The following PC variants were observed in gnomAD, a reference collection of about 807,000 sequenced individuals.
PC encodes pyruvate carboxylase, mitochondrial.
In PC, 46 loss-of-function variants were observed where a neutral mutation model predicts 107.8. That is an observed-to-expected ratio of 0.43 (90% confidence interval 0.34 to 0.55). The LOEUF is 0.55. Among genes scored for constraint, PC ranks in the 20% least tolerant of loss-of-function variants. The pLI is 0.04. For synonymous variants in PC, 662 were observed against 684.7 expected (o/e 0.97, Z 0.52); for missense variants, 1,241 against 1,643.1 (o/e 0.76, Z 4.23).
chr11:66,885,304 C>T (rs892659231), intron 3 of PC, among the ~76,000 whole-genome samples: 3 of 152,082 alleles, frequency 2.0e-5, no homozygotes, highest in Non-Finnish European at 4.4e-5. Context: ...GCCTGGCCAA[C>T]AAGGCGAAAC....
chr11:66,856,909 CGCCGGCCCGG>C (rs1565222222), intron 12 of PC: 3 of 147,318 alleles, frequency 2.0e-5, no homozygotes, highest in South Asian at 2.1e-4. Context: ...GGAGGGCCCG[CGCCGGCCCGG>C]GCCTCGGGCG....
intron 3 of PC, among the ~76,000 whole-genome samples, chr11:66,946,653 TGACGTGCATGCCATG>T (rs1186920054): frequency 6.6e-6 from 1 of 152,000 alleles, no homozygotes; most frequent in Non-Finnish European, 1.5e-5. Context: ...CAGCCAGGCA[TGACGTGCATGCCATG>T]GTCCCAGCTA....
chr11:66,913,135 G>A (rs1282791351), intron 3 of PC, among the ~76,000 whole-genome samples: 1 of 152,126 alleles, frequency 6.6e-6, no homozygotes, highest in South Asian at 2.1e-4. Flanking sequence ...CGCTTGGCCT[G>A]TGGCGCCAAA....
rs1946727506 is a variant in PC, at chr11:66,871,432, G to A, written c.370C>T (p.Arg124Ter). 7 of 1,613,522 alleles carry A rather than the reference G, an allele frequency of 4.3e-6. No individual in the cohort carries two copies. The highest frequency in any genetic ancestry group is 1.1e-5 in the South Asian group (1 of 91,084). ...VHPGYGFLSE[R>*]ADFAQACQDA... ...TGGCAGGCCTGGGCGAAGTCCGCTC[G>A]CTCAGAGAGGAACCCGTAGCCAGGG... Residue 124 changes from arginine (R) to a stop codon, truncating the protein, a stop_gained, in exon 6 of 23, where the codon CGA (arginine) becomes TGA (stop). Transcript: ENST00000393960. LOFTEE classifies it high-confidence loss of function. The surrounding 1 kb of genome is among the most constrained non-coding windows in gnomAD (Gnocchi z 7.4).
chr11:66,953,800 G>T (rs774374046), intron 2 of PC, among the ~76,000 whole-genome samples: 1 of 152,202 alleles, frequency 6.6e-6, no homozygotes, highest in Non-Finnish European at 1.5e-5. Flanking sequence ...AGGGACTCCA[G>T]CAGTGAGCCA....
At chr11:66,869,149 G>A (rs552784251) in intron 9 of PC, among the ~76,000 whole-genome samples, 185 bp from the exon 10 acceptor site, 3 of 152,226 alleles carry the variant, frequency 2.0e-5, no homozygotes, top group Admixed American at 6.5e-5. Context: ...GCCTGGACAC[G>A]TCCCCCAAGT....
intron 3 of PC, among the ~76,000 whole-genome samples, chr11:66,877,800 GC>G (rs1208439573): frequency 1.3e-5 from 2 of 152,166 alleles, no homozygotes; most frequent in Non-Finnish European, 2.9e-5. Flanking sequence ...GTAATGTGAA[GC>G]CAAGAAAATT....
chr11:66,865,567 C>G (rs978206081), intron 11 of PC, among the ~76,000 whole-genome samples: 1 of 152,202 alleles, frequency 6.6e-6, no homozygotes. Flanking sequence ...GGGAGCCCTC[C>G]TGGAGAAGGC....
At position 66,860,533 on chromosome 11, in the gene PC, GC is replaced by G. The variant is rs973678879; in HGVS notation, c.1368+3240del. On this transcript the variant is annotated intron_variant, in intron 12 of 22. Transcript: ENST00000393960. ...CCCGAGACGGGAGGACAGGACACGG[GC>G]CGCTGGTGGCACACGGACAAGGGTG... 8.5e-6 allele frequency: 6 copies of G among 701,964 alleles called. No homozygotes were observed. In the African/African-American group the frequency reaches 8.7e-5, roughly 10 times the overall value. The allele number at this position is 701,964 out of a possible 1,614,324, so 43.5% of individuals were successfully genotyped here.
At chr11:66,919,226 G>A (rs990519840) in intron 3 of PC, among the ~76,000 whole-genome samples, 3 of 152,218 alleles carry the variant, frequency 2.0e-5, no homozygotes, top group Non-Finnish European at 4.4e-5. Flanking sequence ...GACCAGCCTG[G>A]CCAACAGGAT....
intron 11 of PC, among the ~76,000 whole-genome samples, chr11:66,864,965 A>C (rs1258347258): frequency 6.6e-6 from 1 of 152,014 alleles, no homozygotes; most frequent in African/African-American, 2.4e-5. Flanking sequence ...GAACTTCATA[A>C]AATATTTAAG....
intron 3 of PC, among the ~76,000 whole-genome samples, chr11:66,943,113 C>T (rs775544941): frequency 6.6e-6 from 1 of 151,988 alleles, no homozygotes; most frequent in Non-Finnish European, 1.5e-5. Context: ...ACTCCCAATG[C>T]AATCGTATTA....
intron 3 of PC, among the ~76,000 whole-genome samples, chr11:66,887,746 A>G (rs1228930689): frequency 6.6e-6 from 1 of 152,244 alleles, no homozygotes; most frequent in Non-Finnish European, 1.5e-5. Context: ...AAGGTCTTGG[A>G]GCGCCTGGAG....
rs766816817 is a variant in PC, at chr11:66,866,361, TG to T, written c.1023-13del. 4 of 1,192,422 alleles carry T rather than the reference TG, an allele frequency of 3.4e-6. No homozygotes were observed. Among genetic ancestry groups the T allele is most frequent in the Non-Finnish European group, 3.2e-6 (3 of 935,598 alleles). 73.9% of individuals were successfully genotyped at this position (1,192,422 alleles called of 1,614,324 possible). On this transcript the variant is annotated splice_polypyrimidine_tract_variant and intron_variant, in intron 10 of 22. Transcript: ENST00000393960. This position sits in a 1 kb window ranked among gnomAD's most constrained non-coding sequence, Gnocchi z 5.4. ...GGACCAGGTCTACGCTGTAGGGCAT[TG>T]GGGGGAGGGGGGAAAGGACGGGAGA...
At chr11:66,875,588 G>A (rs1290651941) in intron 3 of PC, among the ~76,000 whole-genome samples, 2 of 152,114 alleles carry the variant, frequency 1.3e-5, no homozygotes, top group African/African-American at 4.8e-5. Flanking sequence ...GGGGATGCCT[G>A]GAGGAGGGAG....
At chr11:66,943,797 A>T (rs982311562) in intron 3 of PC, among the ~76,000 whole-genome samples, 1 of 142,406 alleles carries the variant, frequency 7.0e-6, no homozygotes, top group Non-Finnish European at 1.5e-5. Context: ...AAATTTCTCA[A>T]CATGGTGAAA....
intron 3 of PC, among the ~76,000 whole-genome samples, chr11:66,926,532 G>C (rs917309115): frequency 6.6e-6 from 1 of 152,162 alleles, no homozygotes. Flanking sequence ...AACACAACCG[G>C]GGTCTAGGGA....
intron 3 of PC, among the ~76,000 whole-genome samples, chr11:66,937,148 G>A (rs1949020241): frequency 1.3e-5 from 2 of 152,238 alleles, no homozygotes; most frequent in South Asian, 4.1e-4. Context: ...CCGGCCTAAA[G>A]ACAGGCCTTC....
intron 3 of PC, among the ~76,000 whole-genome samples, chr11:66,882,828 G>C (rs1164253250): frequency 6.6e-6 from 1 of 152,044 alleles, no homozygotes; most frequent in Non-Finnish European, 1.5e-5. Flanking sequence ...AGCCAAGAGG[G>C]ACAGATGAAA....
Sources: allele counts gnomAD v4.1 joint callset (sites outside exome capture counted in the v4.1 genomes callset), GRCh38; gene constraint gnomAD v4.1.1; non-coding constraint Gnocchi (gnomAD v3.1); transcripts MANE v1.5; gene names NCBI Gene and HGNC (gene_info 2026-07-23, HGNC 2026-07-21).